FOCAD: variants seen among roughly 807,000 people sequenced by gnomAD.
FOCAD encodes focadhesin.
FOCAD carries 198 observed loss-of-function variants against 225.6 expected under a neutral mutation model. The ratio of observed to expected loss-of-function variants is 0.88; its 90% CI spans 0.78 to 0.99. FOCAD has a LOEUF of 0.99. FOCAD is among the 50% of genes least tolerant of loss of function. The probability of loss-of-function intolerance (pLI) is 0.00; values close to 1 mark genes in which losing one functional copy is unlikely to be tolerated. For missense variants in FOCAD, 2,713 were observed against 2,123.6 expected, an observed-to-expected ratio of 1.28 and a Z score of -5.46; for synonymous variants, 897 against 755.0, an observed-to-expected ratio of 1.19 and a Z score of -3.08.
chr9:20,939,552 G>C (rs1836412524), intron 28 of FOCAD, among the ~76,000 whole-genome samples: 1 of 151,966 alleles, frequency 6.6e-6, no homozygotes, highest in Non-Finnish European at 1.5e-5. Flanking sequence ...GAGTACCATG[G>C]GGATGAATTA....
At chr9:20,739,374 C>T (rs943162757) in intron 4 of FOCAD, among the ~76,000 whole-genome samples, 1 of 152,156 alleles carries the variant, frequency 6.6e-6, no homozygotes, top group Non-Finnish European at 1.5e-5. Flanking sequence ...GAGGCTGAGG[C>T]AGGCGGGTCA....
intron 8 of FOCAD, among the ~76,000 whole-genome samples, chr9:20,776,219 C>T (rs867610344): frequency 2.0e-5 from 3 of 152,274 alleles, no homozygotes; most frequent in African/African-American, 7.2e-5. Flanking sequence ...GGTATTGTTG[C>T]CGATTTGTCA....
intron 35 of FOCAD, among the ~76,000 whole-genome samples, chr9:20,971,160 A>C (rs1277923469): frequency 6.6e-6 from 1 of 152,176 alleles, no homozygotes; most frequent in African/African-American, 2.4e-5. Context: ...GAAGTCAAAA[A>C]AAGGAAAACA....
chr9:20,904,802 T>C (rs1832822889), intron 21 of FOCAD, among the ~76,000 whole-genome samples: 1 of 152,024 alleles, frequency 6.6e-6, no homozygotes, highest in African/African-American at 2.4e-5. Flanking sequence ...CTTATTTTGT[T>C]GATTGGATTT....
intron 11 of FOCAD, among the ~76,000 whole-genome samples, chr9:20,807,294 A>G (rs1311226364): frequency 6.6e-6 from 1 of 152,224 alleles, no homozygotes; most frequent in Non-Finnish European, 1.5e-5. Context: ...TTATTCTCCA[A>G]GTGCATCAAA....
In FOCAD at chr9:20,890,529, C is replaced by T. The variant is rs191168292; in HGVS notation, c.2625+5299C>T. Among the ~76,000 whole-genome samples the T allele has an allele frequency of 1.6e-4, 25 of 152,028 alleles. No homozygotes were observed. In the East Asian group the frequency reaches 2.5e-3, roughly 15 times the overall value. On this transcript the variant is annotated intron_variant, in intron 21 of 43. Transcript: ENST00000338382. ...AACCTTGCATTCCTGGGATACACTCCGCTTGATCATAGCCTATTTATATAT... is the reference window on the plus strand; with the variant it reads ...AACCTTGCATTCCTGGGATACACTCTGCTTGATCATAGCCTATTTATATAT...
At chr9:20,685,883 T>C (rs994528151) in intron 1 of FOCAD, among the ~76,000 whole-genome samples, 2 of 152,214 alleles carry the variant, frequency 1.3e-5, no homozygotes, top group Admixed American at 6.5e-5. Context: ...GAACACAGCC[T>C]CGCGCCCTGT....
intron 11 of FOCAD, among the ~76,000 whole-genome samples, chr9:20,791,514 C>G (rs1179122225): frequency 6.6e-6 from 1 of 152,138 alleles, no homozygotes; most frequent in East Asian, 1.9e-4. Flanking sequence ...ATCCTTTCTT[C>G]TAGTTTTTAT....
At chr9:20,873,001 C>T (rs1829927205) in intron 18 of FOCAD, 1 of 151,928 alleles carries the variant, frequency 6.6e-6, no homozygotes, top group African/African-American at 2.4e-5. Context: ...TACTTTATTC[C>T]TTTTTATGGC....
At chr9:20,823,524 C>T (rs1344427193) in intron 15 of FOCAD, among the ~76,000 whole-genome samples, 1 of 151,990 alleles carries the variant, frequency 6.6e-6, no homozygotes, top group Non-Finnish European at 1.5e-5. Context: ...TGGGAAAGAA[C>T]CATTCATTCC....
chr9:20,773,817 G>A (rs1818477434), intron 8 of FOCAD, among the ~76,000 whole-genome samples: 1 of 152,190 alleles, frequency 6.6e-6, no homozygotes, highest in African/African-American at 2.4e-5. Flanking sequence ...TGTGTGAGCT[G>A]GAGAGTTTCC....
At chr9:20,866,875 T>C (rs1050394105) in intron 17 of FOCAD, 54 bp from the exon 18 acceptor site, 1 of 1,161,764 alleles carries the variant, frequency 8.6e-7, no homozygotes, top group African/African-American at 1.6e-5. Context: ...TGTTGTGTTT[T>C]TTTGTTTGCT....
At chr9:20,667,681 A>T in intron 2 of FOCAD, among the ~76,000 whole-genome samples, 1 of 152,326 alleles carries the variant, frequency 6.6e-6, no homozygotes, top group South Asian at 2.1e-4. Context: ...ACACCTGAAG[A>T]CCTTTCTGAC....
At chr9:20,953,289 AC>A (rs772479301) in intron 35 of FOCAD, among the ~76,000 whole-genome samples, 6 of 152,192 alleles carry the variant, frequency 3.9e-5, no homozygotes, top group Non-Finnish European at 8.8e-5. Context: ...ACTGTCTCCG[AC>A]CATGGGTGGC....
intron 15 of FOCAD, among the ~76,000 whole-genome samples, chr9:20,834,008 A>G (rs868618567): frequency 6.6e-6 from 1 of 152,138 alleles, no homozygotes; most frequent in Non-Finnish European, 1.5e-5. Flanking sequence ...CAAGTAAACA[A>G]AAACATGTTC....
At chr9:20,900,105 T>C (rs1230092472) in intron 21 of FOCAD, among the ~76,000 whole-genome samples, 1 of 151,988 alleles carries the variant, frequency 6.6e-6, no homozygotes, top group African/African-American at 2.4e-5. Flanking sequence ...TGAATGATAG[T>C]TTCCTTCCCT....
chr9:20,979,189 T>C (rs1840469966), intron 37 of FOCAD, among the ~76,000 whole-genome samples: 2 of 152,342 alleles, frequency 1.3e-5, no homozygotes, highest in African/African-American at 4.8e-5. Flanking sequence ...TACCAGTTGA[T>C]GTAAGTTAAA....
chr9:20,775,009 G>C (rs1054162531), intron 8 of FOCAD, among the ~76,000 whole-genome samples: 7 of 152,172 alleles, frequency 4.6e-5, no homozygotes, highest in Non-Finnish European at 1.0e-4. Context: ...AAATGAAGTA[G>C]AATGAAGTAG....
At chr9:20,785,365 C>A (rs62557555) in intron 10 of FOCAD, among the ~76,000 whole-genome samples, 40,460 of 151,908 alleles carry the variant, frequency 0.27, 5,625 homozygotes, top group Middle Eastern at 0.36. Context: ...TTACCCTAAA[C>A]AATCCCTGCA....
Sources: allele counts gnomAD v4.1 joint callset (sites outside exome capture counted in the v4.1 genomes callset), GRCh38; gene constraint gnomAD v4.1.1; transcripts MANE v1.5; gene names NCBI Gene and HGNC (gene_info 2026-07-23, HGNC 2026-07-21).